Variants in SCAPER observed in about 807,000 individuals in gnomAD.
The protein encoded by SCAPER is S-phase cyclin A associated protein in the ER.
SCAPER carries 98 observed loss-of-function variants against 182.2 expected under a neutral mutation model. The observed-to-expected ratio is 0.54, with a 90% confidence interval of 0.46 to 0.64. The LOEUF is 0.64. Ranked by LOEUF, SCAPER falls within the 30% of genes least tolerant of loss-of-function variation. The pLI is 0.00. For missense variants in SCAPER, 1,432 were observed against 1,690.0 expected, an observed-to-expected ratio of 0.85 and a Z score of 2.68; for synonymous variants, 605 against 564.6, an observed-to-expected ratio of 1.07 and a Z score of -1.01.
chr15:76,714,900 C>T (rs1021673319), intron 17 of SCAPER, among the ~76,000 whole-genome samples: 1 of 151,952 alleles, frequency 6.6e-6, no homozygotes, highest in African/African-American at 2.4e-5. Context: ...CAACTAATTA[C>T]CACATTAACG....
chr15:76,468,340 T>C (rs2049854346), intron 25 of SCAPER, among the ~76,000 whole-genome samples: 1 of 152,124 alleles, frequency 6.6e-6, no homozygotes, highest in Non-Finnish European at 1.5e-5. Flanking sequence ...TCAAATGTGT[T>C]TGGCAAACTA....
chr15:76,710,261 T>C (rs1420965300), intron 17 of SCAPER, among the ~76,000 whole-genome samples: 2 of 152,074 alleles, frequency 1.3e-5, no homozygotes, highest in African/African-American at 4.8e-5. Context: ...CCTTTATGTA[T>C]AAAAAGTACT....
At chr15:76,414,578 GA>G (rs149981013) in intron 26 of SCAPER, among the ~76,000 whole-genome samples, 5 of 148,686 alleles carry the variant, frequency 3.4e-5, no homozygotes, top group East Asian at 2.0e-4. Context: ...GTGCTTCAAG[GA>G]AAAAAAAAAT....
chr15:76,905,162 C>T (rs1048339471), intron 1 of SCAPER, 137 bp downstream of exon 1: 56 of 156,412 alleles, frequency 3.6e-4, no homozygotes, highest in African/African-American at 1.2e-3. Flanking sequence ...ACTCGCACTC[C>T]CAGGTGAGGG....
chr15:76,708,897 C>T (rs1282469031), intron 17 of SCAPER, among the ~76,000 whole-genome samples: 3 of 151,976 alleles, frequency 2.0e-5, no homozygotes, highest in African/African-American at 7.3e-5. Flanking sequence ...GGAACCCTGT[C>T]TCTACTAAAA....
intron 14 of SCAPER, among the ~76,000 whole-genome samples, chr15:76,764,615 C>G (rs898095126): frequency 1.3e-5 from 2 of 152,198 alleles, no homozygotes; most frequent in African/African-American, 2.4e-5. Flanking sequence ...CAGGGCTGGC[C>G]ATGGGCAAAC....
At chr15:76,479,732 C>T (rs2050948422) in intron 24 of SCAPER, among the ~76,000 whole-genome samples, 1 of 152,022 alleles carries the variant, frequency 6.6e-6, no homozygotes, top group African/African-American at 2.4e-5. Context: ...TTAGAAAGTA[C>T]ATAGTTTATA....
rs1183050042 is a variant in SCAPER at position 76,603,307 on chromosome 15, T to C, written c.2711+18457A>G. Among the ~76,000 whole-genome samples the C allele has an allele frequency of 1.7e-5, 2 of 120,092 alleles. 1 individual carries two copies. The highest frequency in any genetic ancestry group is 4.0e-5 in the Non-Finnish European group (2 of 49,674). The allele number at this position is 120,092 out of a possible 152,430, so 78.8% of individuals were successfully genotyped here. ...GGTGTTTTTTTGTCCTTGCGATAGT[T>C]TGCTGAGAATGATGATTTCCAATTT... On this transcript the variant is annotated intron_variant, in intron 22 of 31. Transcript: ENST00000563290.
chr15:76,716,723 G>A (rs2059905692), intron 17 of SCAPER, among the ~76,000 whole-genome samples: 1 of 151,742 alleles, frequency 6.6e-6, no homozygotes, highest in South Asian at 2.1e-4. Context: ...GAACCTTGAA[G>A]GTTTCTGAAA....
intron 31 of SCAPER, chr15:76,349,247 G>A (rs2040377785): frequency 6.6e-6 from 1 of 152,178 alleles, no homozygotes; most frequent in Non-Finnish European, 1.5e-5. Context: ...TAAAATGACA[G>A]TCCTATATTC....
chr15:76,600,750 C>A lies in SCAPER; in HGVS notation c.2711+21014G>T, dbSNP rs562292575. 1.8e-4 allele frequency among the ~76,000 whole-genome samples: 22 copies of A among 120,262 alleles called. 6 individuals are homozygous for A. The South Asian group carries it at 5.6e-3, about 31-fold the overall frequency. 78.9% of individuals were successfully genotyped at this position (120,262 alleles called of 152,430 possible). On this transcript the variant is annotated intron_variant, in intron 22 of 31. Coordinates refer to ENST00000563290, the MANE Select transcript of SCAPER (RefSeq NM_020843.4). ...CAGGCGTGAGCCACTGCGCCCCACC[C>A]AGAAAGTATTTTTTTAAAATAATTC... is the stretch of plus-strand genomic sequence containing the variant.
intron 24 of SCAPER, among the ~76,000 whole-genome samples, chr15:76,480,991 A>G (rs1024063438): frequency 2.0e-5 from 3 of 152,152 alleles, no homozygotes; most frequent in Non-Finnish European, 2.9e-5. Flanking sequence ...TCGGCCTCCC[A>G]AAGTGCTGGG....
In SCAPER at chr15:76,730,694, A is replaced by G. The variant is rs1324171788; in HGVS notation, c.2023-1957T>C. 3.9e-5 allele frequency among the ~76,000 whole-genome samples: 6 copies of G among 152,260 alleles called. No individual in the cohort carries two copies. The East Asian group carries it at 9.6e-4, about 24-fold the overall frequency. On this transcript the variant is annotated intron_variant, in intron 16 of 31. Transcript: ENST00000563290. ...TACAAAGAGCTTAGGCATTAAATAT[A>G]AATAATTAAAGCAGAATTTTTCATT... is the stretch of plus-strand genomic sequence containing the variant.
At chr15:76,900,112 T>C (rs1595964596) in intron 1 of SCAPER, among the ~76,000 whole-genome samples, 2 of 152,236 alleles carry the variant, frequency 1.3e-5, no homozygotes, top group East Asian at 3.9e-4. Context: ...GCGCAAGATG[T>C]GCTTTGTTAA....
chr15:76,513,253 C>G (rs1300216331), intron 23 of SCAPER, among the ~76,000 whole-genome samples: 1 of 152,074 alleles, frequency 6.6e-6, no homozygotes, highest in East Asian at 1.9e-4. Flanking sequence ...TTATTTCAGA[C>G]AGTAAAAATG....
At chr15:76,787,147 T>C (rs2151427486) in intron 8 of SCAPER, among the ~76,000 whole-genome samples, 1 of 152,170 alleles carries the variant, frequency 6.6e-6, no homozygotes, top group East Asian at 1.9e-4. Flanking sequence ...ATTCCAAAAA[T>C]GTATATAGAA....
chr15:76,678,758 T>C (rs922411906), intron 20 of SCAPER, among the ~76,000 whole-genome samples: 1 of 152,088 alleles, frequency 6.6e-6, no homozygotes, highest in African/African-American at 2.4e-5. Flanking sequence ...ACAAAGGGCA[T>C]TTTTAGACAG....
intron 15 of SCAPER, among the ~76,000 whole-genome samples, chr15:76,749,499 G>A (rs1427343647): frequency 6.6e-6 from 1 of 151,628 alleles, no homozygotes; most frequent in African/African-American, 2.4e-5. Flanking sequence ...TGCAATAAAA[G>A]GAGATAAAAA....
intron 20 of SCAPER, among the ~76,000 whole-genome samples, chr15:76,681,039 G>A (rs1439081145): frequency 2.0e-5 from 3 of 152,152 alleles, no homozygotes; most frequent in African/African-American, 7.2e-5. Flanking sequence ...TATAGTAGAT[G>A]AGGAAAGTTT....
Sources: gnomAD v4.1 joint callset for allele counts (sites outside exome capture counted in the v4.1 genomes callset) on GRCh38, gnomAD v4.1.1 for gene constraint, MANE v1.5 for transcripts, NCBI Gene and HGNC (gene_info 2026-07-23, HGNC 2026-07-21) for gene names.